CHCHD3: variants seen among roughly 807,000 people sequenced by gnomAD.
CHCHD3 encodes the protein MICOS complex subunit MIC19.
A neutral mutation model predicts 38.2 loss-of-function variants in CHCHD3; 20 were observed. That is an observed-to-expected ratio of 0.52 (90% CI 0.37 to 0.76). The LOEUF is 0.76. CHCHD3 is among the 30% of genes least tolerant of loss of function. The probability of loss-of-function intolerance (pLI) is 0.00; values close to 1 mark genes in which losing one functional copy is unlikely to be tolerated. For synonymous variants in CHCHD3, 82 were observed against 100.0 expected (o/e 0.82, Z 1.07); for missense variants, 245 against 279.2 (o/e 0.88, Z 0.87).
intron 6 of CHCHD3, among the ~76,000 whole-genome samples, chr7:132,825,106 G>C (rs988692935): frequency 6.6e-6 from 1 of 152,150 alleles, no homozygotes; most frequent in Non-Finnish European, 1.5e-5. Flanking sequence ...AGCCCTCTGA[G>C]GGCAGGGACT....
intron 3 of CHCHD3, among the ~76,000 whole-genome samples, chr7:133,017,471 C>G (rs1238648981): frequency 6.6e-6 from 1 of 152,192 alleles, no homozygotes; most frequent in Non-Finnish European, 1.5e-5. Context: ...GACACTTCGA[C>G]AAGACTATTA....
At chr7:132,914,123 C>CGTGTGTGTGTGTGTGT (rs200561468) in intron 4 of CHCHD3, among the ~76,000 whole-genome samples, 6 of 132,224 alleles carry the variant, frequency 4.5e-5, no homozygotes, top group East Asian at 4.5e-4. Context: ...CCATGCCTGG[C>CGTGTGTGTGTGTGTGT]GTGTGTGTGT....
intron 2 of CHCHD3, among the ~76,000 whole-genome samples, chr7:133,061,711 G>C (rs1054041988): frequency 5.3e-5 from 8 of 152,198 alleles, no homozygotes; most frequent in Admixed American, 3.3e-4. Flanking sequence ...GTAATTTCAA[G>C]CTCCAATCAT....
At chr7:132,831,445 G>C (rs564280426) in intron 6 of CHCHD3, among the ~76,000 whole-genome samples, 4 of 152,148 alleles carry the variant, frequency 2.6e-5, no homozygotes, top group African/African-American at 9.7e-5. Flanking sequence ...ATACGTGTTA[G>C]AGAAGATGTT....
chr7:133,036,211 A>G (rs1437747670), intron 2 of CHCHD3, among the ~76,000 whole-genome samples: 1 of 152,246 alleles, frequency 6.6e-6, no homozygotes, highest in African/African-American at 2.4e-5. Flanking sequence ...ATTGTAAATT[A>G]AATGAATCCA....
chr7:132,899,905 G>C (rs1397333363), intron 4 of CHCHD3, among the ~76,000 whole-genome samples: 5 of 152,322 alleles, frequency 3.3e-5, no homozygotes, highest in Non-Finnish European at 7.3e-5. Flanking sequence ...CTACTAAGCA[G>C]CTAGGCCAGA....
intron 6 of CHCHD3, among the ~76,000 whole-genome samples, chr7:132,808,441 A>G (rs185421027): frequency 2.0e-5 from 3 of 152,300 alleles, no homozygotes; most frequent in Non-Finnish European, 2.9e-5. Context: ...TCTGTTTGTG[A>G]CTGAAATGGA....
chr7:132,959,695 C>T lies in CHCHD3; in HGVS notation c.369+15474G>A, dbSNP rs142105293. On this transcript the variant is annotated intron_variant, in intron 4 of 7. Transcript: ENST00000262570. ...CCGAGATCGTGCCACTGTACTCCAGCCTGGGCGACAGAGCAAAACTCCGTC... is the reference window on the plus strand; with the variant it reads ...CCGAGATCGTGCCACTGTACTCCAGTCTGGGCGACAGAGCAAAACTCCGTC... Among the ~76,000 whole-genome samples the T allele has an allele frequency of 1.3e-3, 196 of 148,500 alleles. 1 individual carries two copies. Among genetic ancestry groups the T allele is most frequent in the African/African-American group, 4.3e-3 (172 of 40,146 alleles).
intron 6 of CHCHD3, among the ~76,000 whole-genome samples, chr7:132,817,284 T>C (rs192040529): frequency 9.7e-4 from 148 of 152,214 alleles, no homozygotes; most frequent in Non-Finnish European, 1.8e-3. Flanking sequence ...ACAATTACAT[T>C]TGCTTAAAGG....
chr7:132,983,751 A>G (rs560401590), intron 3 of CHCHD3, among the ~76,000 whole-genome samples: 13 of 152,256 alleles, frequency 8.5e-5, no homozygotes, highest in Admixed American at 7.2e-4. Context: ...AGGAAAAAAA[A>G]GTTGAATTGC....
At chr7:132,809,994 T>C (rs144354401) in intron 6 of CHCHD3, among the ~76,000 whole-genome samples, 18 of 152,258 alleles carry the variant, frequency 1.2e-4, no homozygotes, top group East Asian at 7.7e-4. Flanking sequence ...CCTTTTAATC[T>C]CCTGAAAGTC....
chr7:132,895,882 G>C (rs1174632201), intron 4 of CHCHD3, among the ~76,000 whole-genome samples: 3 of 152,126 alleles, frequency 2.0e-5, no homozygotes, highest in Admixed American at 2.0e-4. Flanking sequence ...GGTTGTTTGA[G>C]ATCAAATACA....
intron 1 of CHCHD3, among the ~76,000 whole-genome samples, chr7:133,079,154 G>A (rs1815096211): frequency 6.6e-6 from 1 of 152,106 alleles, no homozygotes. Flanking sequence ...CACCTGTTGG[G>A]GCACAACATG....
intron 4 of CHCHD3, among the ~76,000 whole-genome samples, chr7:132,963,801 A>G (rs1811392111): frequency 6.6e-6 from 1 of 152,066 alleles, no homozygotes; most frequent in Non-Finnish European, 1.5e-5. Context: ...CTATCATTCT[A>G]TCAGAGCTAT....
intron 4 of CHCHD3, among the ~76,000 whole-genome samples, chr7:132,895,870 T>G (rs1809481437): frequency 6.6e-6 from 1 of 152,224 alleles, no homozygotes; most frequent in South Asian, 2.1e-4. Context: ...AAGAGGATTG[T>G]TGGTTGTTTG....
intron 1 of CHCHD3, among the ~76,000 whole-genome samples, chr7:133,074,933 C>CT (rs11427359): frequency 0.39 from 58,648 of 151,864 alleles, 11,539 homozygotes; most frequent in East Asian, 0.55. Flanking sequence ...ACCACAGGGA[C>CT]TTTTTAATTC....
At chr7:132,931,909 AATGCAGCTTTACACTGCATCATG>A (rs1478293451) in intron 4 of CHCHD3, among the ~76,000 whole-genome samples, 1 of 152,164 alleles carries the variant, frequency 6.6e-6, no homozygotes, top group Non-Finnish European at 1.5e-5. Context: ...TGGGAAATAT[AATGCAGCTTTACACTGCATCATG>A]AAAGCAAGAA....
At chr7:133,015,249 A>G (rs990927848) in intron 3 of CHCHD3, among the ~76,000 whole-genome samples, 1 of 152,034 alleles carries the variant, frequency 6.6e-6, no homozygotes, top group Non-Finnish European at 1.5e-5. Flanking sequence ...AGGCTGAGGT[A>G]GGAAAATCAC....
chr7:132,995,829 T>C (rs2040733159), intron 3 of CHCHD3, among the ~76,000 whole-genome samples: 1 of 152,194 alleles, frequency 6.6e-6, no homozygotes, highest in Non-Finnish European at 1.5e-5. Context: ...CCATTTAAAC[T>C]AAAAACTATG....
Sources: gnomAD v4.1 joint callset for allele counts (sites outside exome capture counted in the v4.1 genomes callset) on GRCh38, gnomAD v4.1.1 for gene constraint, MANE v1.5 for transcripts, NCBI Gene and HGNC (gene_info 2026-07-23, HGNC 2026-07-21) for gene names.